The following FAF1 variants were observed in gnomAD, a reference collection of about 807,000 sequenced individuals.
FAF1 encodes FAS-associated factor 1.
FAF1 carries 25 observed loss-of-function variants against 92.5 expected under a neutral mutation model. That is an observed-to-expected ratio of 0.27 (90% CI 0.20 to 0.38). The LOEUF is 0.38. Ranked by LOEUF, FAF1 falls within the 10% of genes least tolerant of loss-of-function variation. The pLI, the probability that FAF1 is intolerant of heterozygous loss-of-function variation, is 1.00. For synonymous variants in FAF1, 234 were observed against 273.2 expected, an observed-to-expected ratio of 0.86 and a Z score of 1.42; for missense variants, 636 against 793.3, an observed-to-expected ratio of 0.80 and a Z score of 2.38.
chr1:50,831,930 T>C (rs1005853109), intron 2 of FAF1, among the ~76,000 whole-genome samples: 7 of 151,290 alleles, frequency 4.6e-5, no homozygotes, highest in Admixed American at 3.3e-4. Context: ...GCAGGAGCAA[T>C]AGAGTTTCAC....
At position 50,875,933 on chromosome 1, in the gene FAF1, A is replaced by G. The variant is rs1644567659; in HGVS notation, c.46-17936T>C. Among the ~76,000 whole-genome samples the G allele has an allele frequency of 2.0e-5, 3 of 152,154 alleles. No individual in the cohort carries two copies. The South Asian group carries it at 6.2e-4, about 32-fold the overall frequency. ...CTATCACTACCATCCTTTTCCTCAA[A>G]AAGACAACTGGTTTAATTTCGTATG... On this transcript the variant is annotated intron_variant, in intron 1 of 18. Transcript: ENST00000396153.
Position 50,655,485 on chromosome 1 carries a change from T to G in FAF1, c.701A>C (p.His234Pro). 1.2e-6 allele frequency: 2 copies of G among 1,613,832 alleles called. No homozygotes were observed. The highest frequency in any genetic ancestry group is 1.7e-6 in the Non-Finnish European group (2 of 1,179,676). Residue 234 changes from histidine to proline, a missense_variant, in exon 8 of 19, where the codon CAC becomes CCC. This residue lies in a region of FAF1 where 317 missense variants were observed against 342.4 expected (regional missense o/e 0.93). Coordinates refer to ENST00000396153, the MANE Select transcript of FAF1 (RefSeq NM_007051.3). ...AGTTGGCCAGCCCTCCCATAATTGG[T>G]GGCGAACGGGGATACTTGTAAGGTC... ...VYDLTSIPVR[H>P]QLWEGWPTSA... is the part of the protein sequence containing the mutation.
chr1:50,699,983 T>A (rs1230509732), intron 7 of FAF1, among the ~76,000 whole-genome samples: 1 of 152,094 alleles, frequency 6.6e-6, no homozygotes, highest in African/African-American at 2.4e-5. Flanking sequence ...GTAAACTCAG[T>A]CAACTGTTGC....
chr1:50,624,186 C>T (rs56778303), intron 8 of FAF1, among the ~76,000 whole-genome samples: 4 of 151,960 alleles, frequency 2.6e-5, no homozygotes, highest in East Asian at 1.9e-4. Context: ...CTATCTCTGT[C>T]GCCCAGGCTG....
At chr1:50,631,528 T>C (rs935225652) in intron 8 of FAF1, among the ~76,000 whole-genome samples, 1 of 152,216 alleles carries the variant, frequency 6.6e-6, no homozygotes, top group Non-Finnish European at 1.5e-5. Context: ...AGTAGTGATG[T>C]TGGCAATTCA....
intron 9 of FAF1, among the ~76,000 whole-genome samples, chr1:50,593,249 G>T (rs1651617139): frequency 6.6e-6 from 1 of 152,182 alleles, no homozygotes; most frequent in African/African-American, 2.4e-5. Flanking sequence ...TAGTGTGCTA[G>T]CCTCACAAAC....
At chr1:50,716,613 A>C (rs1398388807) in intron 6 of FAF1, among the ~76,000 whole-genome samples, 1 of 152,168 alleles carries the variant, frequency 6.6e-6, no homozygotes, top group Non-Finnish European at 1.5e-5. Flanking sequence ...TGTCTAGCTA[A>C]AGGATTGTAA....
intron 8 of FAF1, 69 bp from the exon 9 acceptor site, chr1:50,596,285 C>T: frequency 8.8e-7 from 1 of 1,141,010 alleles, no homozygotes; most frequent in East Asian, 2.4e-5. Context: ...TTTGACTTTT[C>T]AGGTATTTTC....
chr1:50,752,254 G>A (rs952397227), intron 4 of FAF1, among the ~76,000 whole-genome samples: 2 of 152,066 alleles, frequency 1.3e-5, no homozygotes, highest in Admixed American at 6.5e-5. Flanking sequence ...TTACAGGTGT[G>A]AGCCACCATG....
chr1:50,798,352 T>C (rs894197089), intron 3 of FAF1, among the ~76,000 whole-genome samples: 3 of 152,308 alleles, frequency 2.0e-5, no homozygotes. Context: ...ATAAATACCA[T>C]CCACTTAGTG....
At chr1:50,860,574 C>CT (rs1206232825) in intron 1 of FAF1, among the ~76,000 whole-genome samples, 2 of 151,726 alleles carry the variant, frequency 1.3e-5, no homozygotes, top group East Asian at 3.9e-4. Flanking sequence ...GTCAAAGTGA[C>CT]TATTATTAAA....
At chr1:50,762,277 T>C (rs1660359264) in intron 4 of FAF1, among the ~76,000 whole-genome samples, 1 of 152,210 alleles carries the variant, frequency 6.6e-6, no homozygotes, top group African/African-American at 2.4e-5. Flanking sequence ...ATATAATTTA[T>C]AGATTCAATG....
chr1:50,507,730 G>A (rs1184296304), intron 15 of FAF1, among the ~76,000 whole-genome samples: 2 of 152,142 alleles, frequency 1.3e-5, no homozygotes, highest in African/African-American at 2.4e-5. Context: ...AAGAAAAAAG[G>A]TAAGAACTTG....
intron 18 of FAF1, among the ~76,000 whole-genome samples, chr1:50,453,324 C>T (rs1238699179): frequency 6.6e-6 from 1 of 152,144 alleles, no homozygotes; most frequent in Admixed American, 6.5e-5. Flanking sequence ...CCAAGCAGGG[C>T]CATGCGAGCT....
intron 6 of FAF1, among the ~76,000 whole-genome samples, chr1:50,731,641 T>C (rs1206630286): frequency 6.6e-6 from 1 of 152,126 alleles, no homozygotes; most frequent in Non-Finnish European, 1.5e-5. Flanking sequence ...GTGCTGGGAT[T>C]ACAGGCATGA....
chr1:50,726,746 G>T (rs1159741931), intron 6 of FAF1, among the ~76,000 whole-genome samples: 1 of 152,110 alleles, frequency 6.6e-6, no homozygotes, highest in African/African-American at 2.4e-5. Context: ...GGAGAATGGC[G>T]TGAATCCGGG....
At chr1:50,825,220 A>G (rs1376814439) in intron 2 of FAF1, among the ~76,000 whole-genome samples, 1 of 152,142 alleles carries the variant, frequency 6.6e-6, no homozygotes, top group African/African-American at 2.4e-5. Flanking sequence ...CAACCCATAA[A>G]TATGTACATT....
chr1:50,566,886 TTA>T (rs1444097049), intron 13 of FAF1, among the ~76,000 whole-genome samples, 189 bp downstream of exon 13: 2 of 152,226 alleles, frequency 1.3e-5, no homozygotes, highest in Non-Finnish European at 2.9e-5. Context: ...TAAAAAGTTT[TTA>T]TAAGTTAAGG....
At chr1:50,581,523 C>T (rs1650985984) in intron 12 of FAF1, among the ~76,000 whole-genome samples, 1 of 152,084 alleles carries the variant, frequency 6.6e-6, no homozygotes, top group African/African-American at 2.4e-5. Flanking sequence ...TTACTAAGTA[C>T]AGGGACATAA....
Sources: gnomAD v4.1 joint callset for allele counts (sites outside exome capture counted in the v4.1 genomes callset) on GRCh38, gnomAD v4.1.1 for gene constraint, gnomAD v4.1.1 regional missense constraint, MANE v1.5 for transcripts, NCBI Gene and HGNC (gene_info 2026-07-23, HGNC 2026-07-21) for gene names.